INTS13: variants seen among roughly 807,000 people sequenced by gnomAD.
INTS13 encodes integrator complex subunit 13.
In INTS13, 35 loss-of-function variants were observed where a neutral mutation model predicts 90.2. The observed-to-expected ratio is 0.39, with a 90% confidence interval of 0.30 to 0.51. The LOEUF (loss-of-function observed/expected upper bound fraction) is 0.51, where lower values mean the gene tolerates loss of function less well. INTS13 is among the 20% of genes least tolerant of loss of function. The pLI is 0.80. For missense variants in INTS13, 601 were observed against 851.2 expected, an observed-to-expected ratio of 0.71 and a Z score of 3.66; for synonymous variants, 309 against 277.1, an observed-to-expected ratio of 1.11 and a Z score of -1.14.
At chr12:26,925,661 G>T in intron 6 of INTS13, 100 bp downstream of exon 6, 3 of 987,366 alleles carry the variant, frequency 3.0e-6, no homozygotes, top group Non-Finnish European at 4.4e-6. Flanking sequence ...ATATTTTCTT[G>T]GCAGAAAATA....
intron 4 of INTS13, 68 bp downstream of exon 4, chr12:26,928,635 A>T (rs1450652720): frequency 6.6e-7 from 1 of 1,504,716 alleles, no homozygotes; most frequent in African/African-American, 1.4e-5. Flanking sequence ...TGTCTCTACT[A>T]TTCTGAAAAA....
chr12:26,928,315 A>G, intron 4 of INTS13, 30 bp from the exon 5 acceptor site: 3 of 1,552,070 alleles, frequency 1.9e-6, no homozygotes, highest in Non-Finnish European at 2.7e-6. Flanking sequence ...TAGCAAATTT[A>G]AAGGAATAAA....
At chr12:26,931,870 T>C (rs1182546084) in intron 3 of INTS13, among the ~76,000 whole-genome samples, 4 of 152,100 alleles carry the variant, frequency 2.6e-5, no homozygotes, top group Non-Finnish European at 5.9e-5. Flanking sequence ...GTGGATCACC[T>C]GACGTCAGGA....
chr12:26,918,066 G>A (rs1951994279), intron 8 of INTS13, among the ~76,000 whole-genome samples: 2 of 152,100 alleles, frequency 1.3e-5, no homozygotes, highest in Non-Finnish European at 2.9e-5. Flanking sequence ...AGGTTGCGGT[G>A]AGCTGCGATC....
Position 26,934,598 on chromosome 12 carries a change from A to G in INTS13, c.258T>C (p.His86=). Residue 86 remains histidine (H), a synonymous_variant, in exon 3 of 17, where the codon CAT becomes CAC. Coordinates refer to ENST00000261191, the MANE Select transcript of INTS13 (RefSeq NM_018164.3). The stretch of plus-strand genomic sequence containing the variant: ...CTTCTTGAGTCCAAGAATTTAAAAC[A>G]TGTGCTCCAGAGTCACTCACAATAA... ...VNFIVSDSGA[H]VLNSWTQEDQ... 1 of 1,613,754 alleles carries G rather than the reference A, an allele frequency of 6.2e-7. No homozygotes were observed. The highest frequency in any genetic ancestry group is 8.5e-7 in the Non-Finnish European group (1 of 1,179,704).
At position 26,922,702 on chromosome 12, in the gene INTS13, T is replaced by A; in HGVS notation, c.805-2A>T. On this transcript the variant is annotated splice_acceptor_variant, in intron 7 of 16. Transcript: ENST00000261191. LOFTEE classifies it high-confidence loss of function. ...AGATGTGTTAGCATGCTGTTCTTCC[T>A]TGAAGTAAAATTTCAAACATTTTAA... 1 of 1,542,730 alleles carries A rather than the reference T, an allele frequency of 6.5e-7. No individual in the cohort carries two copies. Among genetic ancestry groups the A allele is most frequent in the Non-Finnish European group, 8.7e-7 (1 of 1,144,338 alleles).
intron 1 of INTS13, among the ~76,000 whole-genome samples, chr12:26,937,440 G>A (rs1313152333): frequency 1.3e-5 from 2 of 152,206 alleles, no homozygotes; most frequent in South Asian, 2.1e-4. Context: ...TTACCAGGTA[G>A]AGCAGAAAAA....
chr12:26,914,111 A>C lies in INTS13; in HGVS notation c.1437T>G (p.Ser479Arg). Residue 479 changes from serine (S) to arginine (R), a missense_variant, in exon 13 of 17, where the codon AGT (serine) becomes AGG (arginine). Around this residue, in one of 3 missense-constraint regions of INTS13, gnomAD observed 228 missense variants for 272.5 expected, o/e 0.84. Transcript: ENST00000261191. ...FNMQAVVPLA[S>R]VIVKESLTEE... ...CTGTCAGAGATTCTTTCACAATAAC[A>C]CTGGCTAATGGAACTACCTGTTAGA... is the stretch of plus-strand genomic sequence containing the variant. The C allele has an allele frequency of 6.3e-7, 1 of 1,599,260 alleles. No individual in the cohort carries two copies. The highest frequency in any genetic ancestry group is 2.2e-5 in the East Asian group (1 of 44,448).
At chr12:26,936,448 G>C in intron 2 of INTS13, 131 bp downstream of exon 2, 1 of 655,474 alleles carries the variant, frequency 1.5e-6, no homozygotes. Flanking sequence ...TAATCCCAAA[G>C]GGCAGCGTTA....
rs1243129954 is a variant in INTS13 at position 26,917,391 on chromosome 12, T to C, written c.1030A>G (p.Ser344Gly). ...AYRISPVDVNSRPSSCLTNFL... is the reference protein window; with the variant it reads ...AYRISPVDVNGRPSSCLTNFL... The stretch of plus-strand genomic sequence containing the variant: ...TTAGTAAGGCAGGAGGAAGGTCTAC[T>C]ATTTACATCTACAGGTGAAATCCGA... Residue 344 changes from serine (S) to glycine (G), a missense_variant, in exon 10 of 17, where the codon AGT (serine) becomes GGT (glycine). Physicochemically the swap from Ser to Gly is moderately conservative, Grantham distance 56. This residue lies in a region of INTS13 where 89 missense variants were observed against 191.0 expected (regional missense o/e 0.47). Coordinates refer to ENST00000261191, the MANE Select transcript of INTS13 (RefSeq NM_018164.3). 4 of 1,567,482 alleles carry C rather than the reference T, an allele frequency of 2.6e-6. No homozygotes were observed. Among genetic ancestry groups the C allele is most frequent in the Non-Finnish European group, 2.6e-6 (3 of 1,151,268 alleles).
Position 26,906,215 on chromosome 12 carries a change from A to C in INTS13, c.2081+87T>G, listed in dbSNP as rs1291780572. 3.1e-6 allele frequency: 4 copies of C among 1,286,652 alleles called. No individual in the cohort carries two copies. The African/African-American group carries it at 6.1e-5, about 19-fold the overall frequency. 79.7% of individuals were successfully genotyped at this position (1,286,652 alleles called of 1,614,324 possible). On this transcript the variant is annotated intron_variant, in intron 16 of 16. Transcript: ENST00000261191. ...TAGTTCATAATATTAGTAATAAAAAACTGCTGATTATTACAAATAAGCAAT... is the reference window on the plus strand; with the variant it reads ...TAGTTCATAATATTAGTAATAAAAACCTGCTGATTATTACAAATAAGCAAT...
chr12:26,930,444 T>C (rs1237983918), intron 3 of INTS13, among the ~76,000 whole-genome samples: 2 of 152,134 alleles, frequency 1.3e-5, no homozygotes, highest in Admixed American at 6.5e-5. Flanking sequence ...AAGATAGACA[T>C]AGAGACACAG....
intron 15 of INTS13, among the ~76,000 whole-genome samples, chr12:26,908,177 G>A (rs1951666059): frequency 6.6e-6 from 1 of 152,126 alleles, no homozygotes; most frequent in Non-Finnish European, 1.5e-5. Context: ...AGTTACCAGG[G>A]ATTGAGGAGG....
At chr12:26,913,871 A>T (rs1404122123) in intron 13 of INTS13, 103 bp downstream of exon 13, 3 of 1,198,600 alleles carry the variant, frequency 2.5e-6, no homozygotes, top group African/African-American at 3.1e-5. Flanking sequence ...TATATATATA[A>T]ACATGTCCTC....
chr12:26,931,418 T>C (rs979999411), intron 3 of INTS13, among the ~76,000 whole-genome samples: 4 of 151,288 alleles, frequency 2.6e-5, no homozygotes, highest in African/African-American at 7.3e-5. Flanking sequence ...CACTCCAGCC[T>C]GGGCAACAGA....
At chr12:26,928,383 A>G (rs1207365094) in intron 4 of INTS13, 98 bp from the exon 5 acceptor site, 1 of 961,478 alleles carries the variant, frequency 1.0e-6, no homozygotes, top group Non-Finnish European at 1.6e-6. Flanking sequence ...ATAGACATTT[A>G]AAGTTACTTC....
chr12:26,914,161 C>A, intron 12 of INTS13, 33 bp from the exon 13 acceptor site: 2 of 1,525,168 alleles, frequency 1.3e-6, no homozygotes, highest in East Asian at 2.3e-5. Flanking sequence ...AAAAGAAAAT[C>A]TGTCTTGAAA....
chr12:26,921,848 C>A (rs1036846394), intron 8 of INTS13, among the ~76,000 whole-genome samples: 1 of 152,130 alleles, frequency 6.6e-6, no homozygotes, highest in Non-Finnish European at 1.5e-5. Flanking sequence ...TAGAGACGGG[C>A]CTTCGCCATG....
chr12:26,906,140 G>C (rs6487580), intron 16 of INTS13, among the ~76,000 whole-genome samples, 162 bp downstream of exon 16: 123,341 of 152,070 alleles, frequency 0.81, 50,202 homozygotes, highest in East Asian at 1. Flanking sequence ...AAGCCTTTTA[G>C]AAGCAAGAAT....
Sources: allele counts gnomAD v4.1 joint callset (sites outside exome capture counted in the v4.1 genomes callset), GRCh38; gene constraint gnomAD v4.1.1; regional missense constraint gnomAD v4.1.1; transcripts MANE v1.5; gene names NCBI Gene and HGNC (gene_info 2026-07-23, HGNC 2026-07-21).